Variants in PYGL observed in about 807,000 individuals in gnomAD.
PYGL encodes glycogen phosphorylase, liver form.
PYGL carries 90 observed loss-of-function variants against 100.1 expected under a neutral mutation model. The ratio of observed to expected loss-of-function variants is 0.90; its 90% CI spans 0.76 to 1.07. PYGL has a LOEUF of 1.07. PYGL is among the 50% of genes least tolerant of loss of function. The pLI is 0.00. For missense variants in PYGL, 1,016 were observed against 1,057.6 expected (o/e 0.96, Z 0.55); for synonymous variants, 373 against 393.0 (o/e 0.95, Z 0.60).
At chr14:50,943,912 G>A (rs1259916113) in intron 1 of PYGL, among the ~76,000 whole-genome samples, 1 of 152,264 alleles carries the variant, frequency 6.6e-6, no homozygotes, top group Non-Finnish European at 1.5e-5. Context: ...TCCAGGGGCG[G>A]ACGGCACAGT....
chr14:50,926,368 A>G (rs2050547578), intron 4 of PYGL, among the ~76,000 whole-genome samples: 2 of 152,104 alleles, frequency 1.3e-5, no homozygotes, highest in South Asian at 4.2e-4. Flanking sequence ...AAAGTAAAAT[A>G]AAATAAAATA....
At chr14:50,908,105 T>A (rs2050351781) in intron 19 of PYGL, 166 bp downstream of exon 19, 1 of 566,044 alleles carries the variant, frequency 1.8e-6, no homozygotes, top group Non-Finnish European at 3.1e-6. Context: ...GACAAGGTTT[T>A]TTTTTTTGTT....
rs370898666 is a variant in PYGL, at chr14:50,909,852, G to A, written c.2177+43C>T. On this transcript the variant is annotated intron_variant, in intron 17 of 19. Coordinates refer to ENST00000216392, the MANE Select transcript of PYGL (RefSeq NM_002863.5). ...CTCTGAGGTCACATACCTTCTAGGG[G>A]GGAGGGGCAGTCCTGCCTAGCAAAG... 1,451 of 1,603,448 alleles carry A rather than the reference G, an allele frequency of 9.0e-4. 1 individual carries two copies. The highest frequency in any genetic ancestry group is 1.2e-3 in the Non-Finnish European group (1,360 of 1,170,726).
In PYGL at chr14:50,937,822, A is replaced by G. The variant is rs1434995735; in HGVS notation, c.259T>C (p.Ser87Pro). 1.2e-6 allele frequency: 2 copies of G among 1,612,718 alleles called. No homozygotes were observed. Among genetic ancestry groups the G allele is most frequent in the Non-Finnish European group, 1.7e-6 (2 of 1,178,722 alleles). The change falls in exon 2 of 20, where the codon TCT (serine) becomes CCT (proline). Residue 87 changes from serine (S) to proline (P), a missense_variant. Coordinates refer to ENST00000216392, the MANE Select transcript of PYGL (RefSeq NM_002863.5). ...GTTCGGCCCATGTAAAATTCCAGAGAGAGGTAATATACCCTCTGAAATAAA... is the reference window on the plus strand; with the variant it reads ...GTTCGGCCCATGTAAAATTCCAGAGGGAGGTAATATACCCTCTGAAATAAA... ...DKCPKRVYYL[S>P]LEFYMGRTLQ...
chr14:50,915,744 G>A, intron 10 of PYGL, 81 bp downstream of exon 10: 2 of 1,536,720 alleles, frequency 1.3e-6, no homozygotes, highest in Non-Finnish European at 1.8e-6. Flanking sequence ...AAGATGTTTG[G>A]TAAGAGGGAA....
At chr14:50,913,289 T>C (rs1208709563) in intron 12 of PYGL, 159 bp from the exon 13 acceptor site, 4 of 628,258 alleles carry the variant, frequency 6.4e-6, no homozygotes, top group Non-Finnish European at 1.1e-5. Flanking sequence ...CTATAAAGTC[T>C]ATGTGAGAAG....
intron 3 of PYGL, among the ~76,000 whole-genome samples, chr14:50,932,746 A>G (rs1008686637): frequency 2.0e-5 from 3 of 152,226 alleles, no homozygotes; most frequent in African/African-American, 7.2e-5. Flanking sequence ...GTGTTACACT[A>G]ATCAGATTGT....
intron 12 of PYGL, among the ~76,000 whole-genome samples, chr14:50,913,631 C>T (rs746556583): frequency 4.6e-5 from 7 of 152,106 alleles, no homozygotes; most frequent in Non-Finnish European, 8.8e-5. Context: ...TCCTCGGCCT[C>T]CCAAAGTGCT....
At chr14:50,931,580 C>T in intron 4 of PYGL, 93 bp downstream of exon 4, 4 of 1,159,096 alleles carry the variant, frequency 3.5e-6, no homozygotes, top group Non-Finnish European at 5.1e-6. Context: ...ATTAGTACAG[C>T]TCTATGTTAA....
chr14:50,905,619 A>T (rs1360048286), intron 19 of PYGL, 63 bp from the exon 20 acceptor site: 2 of 1,491,706 alleles, frequency 1.3e-6, no homozygotes. Context: ...TATAATAAAC[A>T]TCAGCCAAGC....
At position 50,915,475 on chromosome 14, in the gene PYGL, C is replaced by A; in HGVS notation, c.1264G>T (p.Asp422Tyr). The change falls in exon 11 of 20, where the codon GAT (aspartate) becomes TAT (tyrosine). Residue 422 changes from aspartate (D) to tyrosine (Y), a missense_variant. Physicochemically the swap from Asp to Tyr is radical, Grantham distance 160. Coordinates refer to ENST00000216392, the MANE Select transcript of PYGL (RefSeq NM_002863.5). ...GACATCCTTCTCAGACGGTCCACAT[C>A]TTTAGGAAACAAGGCCACAATTCTC... is the stretch of plus-strand genomic sequence containing the variant. ...LDRIVALFPKDVDRLRRMSLI... is the reference protein window; with the variant it reads ...LDRIVALFPKYVDRLRRMSLI... The A allele has an allele frequency of 6.2e-7, 1 of 1,614,178 alleles. No homozygotes were observed. The highest frequency in any genetic ancestry group is 8.5e-7 in the Non-Finnish European group (1 of 1,180,032).
intron 5 of PYGL, 52 bp from the exon 6 acceptor site, chr14:50,921,119 T>C (rs781221915): frequency 1.2e-5 from 17 of 1,424,764 alleles, no homozygotes; most frequent in South Asian, 3.4e-5. Flanking sequence ...TGTGATGACA[T>C]AGGTTGAACA....
At position 50,926,993 on chromosome 14, in the gene PYGL, A is replaced by G. The variant is rs548972650; in HGVS notation, c.529-2893T>C. ...GCTGTTGTAAAACCCATCTGAAGGT[A>G]TTGTATGAAATAGGAAGACGATGAG... On this transcript the variant is annotated intron_variant, in intron 4 of 19. Transcript: ENST00000216392. Among the ~76,000 whole-genome samples, 7 of 152,216 alleles carry G rather than the reference A, an allele frequency of 4.6e-5. No individual in the cohort carries two copies. The East Asian group carries it at 1.4e-3, about 29-fold the overall frequency.
chr14:50,911,404 T>G (rs1344638668), intron 16 of PYGL, among the ~76,000 whole-genome samples: 2 of 152,248 alleles, frequency 1.3e-5, no homozygotes, highest in Non-Finnish European at 2.9e-5. Flanking sequence ...AAACTGGGGC[T>G]GGGAACTGAA....
intron 1 of PYGL, among the ~76,000 whole-genome samples, chr14:50,938,640 A>G (rs1250212578): frequency 6.6e-6 from 1 of 152,174 alleles, no homozygotes; most frequent in Non-Finnish European, 1.5e-5. Context: ...TCCTATAGAG[A>G]TGTATGAAGG....
intron 19 of PYGL, among the ~76,000 whole-genome samples, chr14:50,906,529 A>T (rs114491880): frequency 0.028 from 4,194 of 152,358 alleles, 86 homozygotes; most frequent in African/African-American, 0.056. Context: ...AGCTGCAATT[A>T]GCACTAATGA....
chr14:50,913,565 G>A (rs183773049), intron 12 of PYGL, among the ~76,000 whole-genome samples: 3 of 151,722 alleles, frequency 2.0e-5, no homozygotes, highest in East Asian at 1.9e-4. Context: ...TAGTAGAGAC[G>A]GGGTTTCACT....
rs1213016858 is a variant in PYGL at position 50,944,458 on chromosome 14, G to A, written c.-55C>T. The stretch of plus-strand genomic sequence containing the variant: ...GCGCAGAGAGCTGGAAGTGCGGCCG[G>A]AGGCGCTGGGCTGCCGGGCAGGGGT... On this transcript the variant is annotated 5_prime_UTR_variant, in exon 1 of 20. Coordinates refer to ENST00000216392, the MANE Select transcript of PYGL (RefSeq NM_002863.5). 3.9e-6 allele frequency: 6 copies of A among 1,539,154 alleles called. No homozygotes were observed. The Admixed American group carries it at 9.7e-5, about 25-fold the overall frequency.
intron 1 of PYGL, among the ~76,000 whole-genome samples, chr14:50,940,331 T>C (rs1327361881): frequency 6.6e-6 from 1 of 152,254 alleles, no homozygotes; most frequent in Non-Finnish European, 1.5e-5. Context: ...TATTCCACAC[T>C]TGCAATTGTG....
Sources: allele counts gnomAD v4.1 joint callset (sites outside exome capture counted in the v4.1 genomes callset), GRCh38; gene constraint gnomAD v4.1.1; transcripts MANE v1.5; gene names NCBI Gene and HGNC (gene_info 2026-07-23, HGNC 2026-07-21).